DNAH7: variants seen among roughly 807,000 people sequenced by gnomAD.
DNAH7 encodes axonemal beta dynein heavy chain 7.
Under a neutral mutation model 444.6 loss-of-function variants are expected in DNAH7, and 397 were observed. The observed-to-expected ratio is 0.89, with a 90% confidence interval of 0.82 to 0.97. The LOEUF (loss-of-function observed/expected upper bound fraction) is 0.97. Among genes scored for constraint, DNAH7 ranks in the 50% least tolerant of loss-of-function variants. The pLI, the probability that DNAH7 is intolerant of heterozygous loss-of-function variation, is 0.00. For missense variants in DNAH7, 4,902 were observed against 4,800.8 expected (o/e 1.02, Z -0.62); for synonymous variants, 1,636 against 1,624.4 (o/e 1.01, Z -0.17).
Position 195,936,776 on chromosome 2 carries a change from G to A in DNAH7, c.3095C>T (p.Thr1032Ile), listed in dbSNP as rs1468368409. The A allele has an allele frequency of 2.6e-6, 4 of 1,531,866 alleles. No individual in the cohort carries two copies. In the East Asian group the frequency reaches 7.0e-5, roughly 27 times the overall value. The allele number at this position is 1,531,866 out of a possible 1,614,324, so 94.9% of individuals were successfully genotyped here. A position where few individuals can be genotyped will look rare whatever the true frequency, so the allele number is the denominator to read the frequency against. The change falls in exon 20 of 65, where the codon ACA becomes ATA. Residue 1032 changes from threonine (T) to isoleucine (I), a missense_variant. By Grantham distance (89) the Thr-to-Ile change is moderately conservative. Transcript: ENST00000312428. ...RSVMQDKHVLTVVTIDRMLER... is the reference protein window; with the variant it reads ...RSVMQDKHVLIVVTIDRMLER... ...CAGCATTCTGTCAATGGTTACAACT[G>A]TCAGAACATGTTTATCCTAAAAATA...
At position 195,738,018 on chromosome 2, in the gene DNAH7, G is replaced by A. The variant is rs754480100; in HGVS notation, c.11978C>T (p.Ser3993Phe). 2.2e-5 allele frequency: 36 copies of A among 1,613,940 alleles called. No homozygotes were observed. In the East Asian group the frequency reaches 7.1e-4, roughly 32 times the overall value. The part of the protein sequence containing the change: ...RRGVLSTTGH[S>F]TNFVIAMTLP... ...AGTCATGGCAATCACAAAATTCGTG[G>A]AATGGCCAGTGGTGGATAATACTCC... is the stretch of plus-strand genomic sequence containing the variant. Residue 3993 changes from serine (S) to phenylalanine (F), a missense_variant, in exon 65 of 65, where the codon TCC (serine) becomes TTC (phenylalanine). By Grantham distance (155) the Ser-to-Phe change is radical. Coordinates refer to ENST00000312428, the MANE Select transcript of DNAH7 (RefSeq NM_018897.3).
At chr2:195,982,019 GAA>G (rs1350389190) in intron 15 of DNAH7, among the ~76,000 whole-genome samples, 1 of 152,146 alleles carries the variant, frequency 6.6e-6, no homozygotes, top group Non-Finnish European at 1.5e-5. Context: ...TCAACAACAT[GAA>G]GAGACAACCC....
At chr2:196,031,456 A>G (rs1321063027) in intron 5 of DNAH7, among the ~76,000 whole-genome samples, 1 of 152,180 alleles carries the variant, frequency 6.6e-6, no homozygotes, top group Non-Finnish European at 1.5e-5. Flanking sequence ...TACTTATGCA[A>G]ATTTCTGCAG....
chr2:195,889,465 C>A (rs1559189571), intron 31 of DNAH7, among the ~76,000 whole-genome samples: 1 of 151,872 alleles, frequency 6.6e-6, no homozygotes, highest in South Asian at 2.1e-4. Context: ...CGAGTGCGCA[C>A]CACCACACCC....
rs190252782 is a variant in DNAH7, at chr2:196,020,020, G to A, written c.744-725C>T. On this transcript the variant is annotated intron_variant, in intron 8 of 64. Transcript: ENST00000312428. ...GCTCCTCTATCACTACCACCACCAT[G>A]TAAAGATTACAAGGATGAAGACCTT... 1.5e-3 allele frequency among the ~76,000 whole-genome samples: 215 copies of A among 145,486 alleles called. 1 individual carries two copies. The highest frequency in any genetic ancestry group is 5.3e-3 in the African/African-American group (206 of 39,124).
chr2:195,786,275 T>G (rs779241830), intron 58 of DNAH7, among the ~76,000 whole-genome samples: 1 of 152,246 alleles, frequency 6.6e-6, no homozygotes, highest in East Asian at 1.9e-4. Flanking sequence ...GATTTAGTTA[T>G]AGATTTCAAA....
At chr2:196,034,787 T>C (rs78762256) in intron 5 of DNAH7, among the ~76,000 whole-genome samples, 6,701 of 152,230 alleles carry the variant, frequency 0.044, 339 homozygotes, top group African/African-American at 0.12. Flanking sequence ...CATTTGAACA[T>C]TTATATGCCA....
intron 15 of DNAH7, among the ~76,000 whole-genome samples, chr2:195,982,321 A>T (rs1263041673): frequency 6.6e-6 from 1 of 152,264 alleles, no homozygotes; most frequent in Non-Finnish European, 1.5e-5. Context: ...TCCAAAAGAC[A>T]GGCAATAACA....
intron 52 of DNAH7, 125 bp downstream of exon 52, chr2:195,809,620 T>C (rs1313275656): frequency 2.2e-6 from 2 of 914,400 alleles, no homozygotes; most frequent in African/African-American, 3.5e-5. Context: ...GCCTTAACTA[T>C]AATAACAAAC....
intron 34 of DNAH7, 132 bp downstream of exon 34, chr2:195,886,009 A>G: frequency 9.2e-7 from 1 of 1,091,152 alleles, no homozygotes; most frequent in Non-Finnish European, 1.3e-6. Flanking sequence ...CTCTTTGCTC[A>G]TTCTTCAGCT....
At chr2:195,914,982 C>T (rs976725721) in intron 24 of DNAH7, among the ~76,000 whole-genome samples, 5 of 152,132 alleles carry the variant, frequency 3.3e-5, no homozygotes, top group African/African-American at 1.2e-4. Flanking sequence ...CAATTCTAAT[C>T]ATTCTCTAGG....
chr2:195,976,092 G>A (rs559849999), intron 15 of DNAH7, among the ~76,000 whole-genome samples: 17 of 152,140 alleles, frequency 1.1e-4, no homozygotes, highest in African/African-American at 3.4e-4. Context: ...CTTGCAGCTC[G>A]GCCACAGTGT....
rs372480984 is a variant in DNAH7 at position 195,923,749 on chromosome 2, A to G, written c.3671T>C (p.Val1224Ala). 5 of 1,614,174 alleles carry G rather than the reference A, an allele frequency of 3.1e-6. No individual in the cohort carries two copies. Among genetic ancestry groups the G allele is most frequent in the Admixed American group, 1.7e-5 (1 of 60,024 alleles). ...NRQIDDIVTLVRGKLSMQNRV... is the reference protein window; with the variant it reads ...NRQIDDIVTLARGKLSMQNRV... Reference sequence around the variant, plus strand: ...ATTCTGCATGGACAATTTGCCACGCACCAAAGTGACAATATCATCAATTTG... The same window carrying G: ...ATTCTGCATGGACAATTTGCCACGCGCCAAAGTGACAATATCATCAATTTG... The change falls in exon 23 of 65, where the codon GTG becomes GCG. Residue 1224 changes from valine (V) to alanine (A), a missense_variant. By Grantham distance (64) the Val-to-Ala change is moderately conservative. Transcript: ENST00000312428.
intron 49 of DNAH7, among the ~76,000 whole-genome samples, chr2:195,819,609 A>C (rs1414645230): frequency 1.3e-5 from 2 of 152,176 alleles, no homozygotes; most frequent in African/African-American, 4.8e-5. Flanking sequence ...CTAGTTGAGC[A>C]AACAGAGGAA....
rs992663497 is a variant in DNAH7 at position 195,737,776 on chromosome 2, C to T, written c.*145G>A. ...TAAGTATGAGTCATATTAAGTTTAGCTGCATTTGCTCATAAGTAAATTCAT... is the reference window on the plus strand; with the variant it reads ...TAAGTATGAGTCATATTAAGTTTAGTTGCATTTGCTCATAAGTAAATTCAT... On this transcript the variant is annotated 3_prime_UTR_variant, in exon 65 of 65. Coordinates refer to ENST00000312428, the MANE Select transcript of DNAH7 (RefSeq NM_018897.3). 9.6e-5 allele frequency: 65 copies of T among 675,410 alleles called. No individual in the cohort carries two copies. Among genetic ancestry groups the T allele is most frequent in the Middle Eastern group, 4.2e-4 (1 of 2,380 alleles). The allele number at this position is 675,410 out of a possible 1,614,324, so 41.8% of individuals were successfully genotyped here. A position where few individuals can be genotyped will look rare whatever the true frequency, so the allele number is the denominator to read the frequency against.
chr2:196,025,785 C>A (rs77763229), intron 7 of DNAH7, among the ~76,000 whole-genome samples: 1,718 of 152,186 alleles, frequency 0.011, 17 homozygotes, highest in Non-Finnish European at 0.016. Context: ...TTTATATCAC[C>A]AGGATACTCC....
chr2:195,844,982 GA>G lies in DNAH7; in HGVS notation c.8945+19del. The stretch of plus-strand genomic sequence containing the variant: ...CTGTTATTTAATAAAGACCATTTGT[GA>G]GAAAAATATTTTTCTTACATTATGA... On this transcript the variant is annotated intron_variant, in intron 47 of 64. Transcript: ENST00000312428. 1 of 1,601,318 alleles carries G rather than the reference GA, an allele frequency of 6.2e-7. No individual in the cohort carries two copies. The highest frequency in any genetic ancestry group is 8.5e-7 in the Non-Finnish European group (1 of 1,171,886).
In DNAH7 at chr2:196,019,198, C is replaced by G. The variant is rs938971134; in HGVS notation, c.841G>C (p.Val281Leu). 1.3e-6 allele frequency: 2 copies of G among 1,506,046 alleles called. No individual in the cohort carries two copies. The highest frequency in any genetic ancestry group is 1.8e-6 in the Non-Finnish European group (2 of 1,115,464). The allele number at this position is 1,506,046 out of a possible 1,614,324, so 93.3% of individuals were successfully genotyped here. Residue 281 changes from valine to leucine, a missense_variant, in exon 9 of 65, where the codon GTA becomes CTA. By Grantham distance (32) the Val-to-Leu change is conservative (BLOSUM62 1). Coordinates refer to ENST00000312428, the MANE Select transcript of DNAH7 (RefSeq NM_018897.3). ...LNAMNPTMLA[V>L]LDLWHTNFKK... ...AAATTAGTGTGCCACAAATCTAGTA[C>G]AGCCAGCATTGTGGGGTTCATTGCA...
chr2:195,745,094 T>C (rs1373212337), intron 63 of DNAH7, among the ~76,000 whole-genome samples: 2 of 152,124 alleles, frequency 1.3e-5, no homozygotes, highest in Admixed American at 1.3e-4. Flanking sequence ...GGCAAAGAAG[T>C]TAAAAACTTT....
Sources: gnomAD v4.1 joint callset for allele counts (sites outside exome capture counted in the v4.1 genomes callset) on GRCh38, gnomAD v4.1.1 for gene constraint, MANE v1.5 for transcripts, NCBI Gene and HGNC (gene_info 2026-07-23, HGNC 2026-07-21) for gene names.